Variants in RNF212B observed in about 807,000 individuals in gnomAD.
RNF212B encodes E3 ubiquitin-protein ligase RNF212B.
RNF212B carries 52 observed loss-of-function variants against 55.5 expected under a neutral mutation model. The observed-to-expected ratio is 0.94, with a 90% confidence interval of 0.75 to 1.18. The LOEUF is 1.18. Among genes scored for constraint, RNF212B ranks in the 50% most tolerant of loss-of-function variants. The probability of loss-of-function intolerance (pLI) is 0.00; values close to 1 mark genes in which losing one functional copy is unlikely to be tolerated. For synonymous variants in RNF212B, 99 were observed against 121.4 expected (o/e 0.82, Z 1.21); for missense variants, 289 against 350.4 (o/e 0.82, Z 1.40).
chr14:23,257,398 CTAGAG>C (rs749528130), intron 4 of RNF212B, among the ~76,000 whole-genome samples: 9 of 152,202 alleles, frequency 5.9e-5, no homozygotes, highest in South Asian at 2.1e-4. Flanking sequence ...AAAAAATAGA[CTAGAG>C]TAAATTCTTA....
At chr14:23,247,895 T>G (rs1177976264) in intron 4 of RNF212B, among the ~76,000 whole-genome samples, 1 of 152,180 alleles carries the variant, frequency 6.6e-6, no homozygotes, top group Middle Eastern at 3.2e-3. Context: ...TTAGCAGCTC[T>G]TTTAGTCTGT....
intron 13 of RNF212B, 141 bp from the exon 14 acceptor site, chr14:23,270,459 T>C: frequency 1.5e-6 from 1 of 659,998 alleles, no homozygotes; most frequent in East Asian, 2.7e-5. Flanking sequence ...AGACTTTATA[T>C]CCCATCTCTT....
At chr14:23,218,303 G>A (rs561814030) in intron 2 of RNF212B, among the ~76,000 whole-genome samples, 48 of 152,140 alleles carry the variant, frequency 3.2e-4, no homozygotes, top group African/African-American at 1.1e-3. Context: ...GGGAGGTGGA[G>A]GTTGCAGTGA....
At chr14:23,254,014 C>A (rs1024796732) in intron 4 of RNF212B, among the ~76,000 whole-genome samples, 6 of 152,180 alleles carry the variant, frequency 3.9e-5, no homozygotes, top group Non-Finnish European at 8.8e-5. Context: ...CACAGTGGCT[C>A]ATTCCTGTAA....
chr14:23,228,965 C>T (rs1281082542), intron 2 of RNF212B, among the ~76,000 whole-genome samples: 1 of 151,774 alleles, frequency 6.6e-6, no homozygotes, highest in East Asian at 1.9e-4. Flanking sequence ...TCTCTATTTC[C>T]ATAATTTTTC....
At chr14:23,193,173 TAAA>T (rs1339043897) in intron 1 of RNF212B, among the ~76,000 whole-genome samples, 1 of 151,226 alleles carries the variant, frequency 6.6e-6, no homozygotes, top group Admixed American at 6.6e-5. Flanking sequence ...TATAGAAGTT[TAAA>T]TGGAGCAATG....
At chr14:23,258,794 C>A in intron 5 of RNF212B, 130 bp downstream of exon 5, 1 of 446,160 alleles carries the variant, frequency 2.2e-6, no homozygotes, top group Non-Finnish European at 3.9e-6. Flanking sequence ...AAATCAGGTA[C>A]AGAATTTTTG....
rs879325100 is a variant in RNF212B at position 23,258,539 on chromosome 14, T to A, written c.229-10T>A. 4.3e-6 allele frequency: 6 copies of A among 1,406,040 alleles called. No homozygotes were observed. The Admixed American group carries it at 1.4e-4, about 34-fold the overall frequency. The allele number at this position is 1,406,040 out of a possible 1,614,324, so 87.1% of individuals were successfully genotyped here. A position where few individuals can be genotyped will look rare whatever the true frequency, so the allele number is the denominator to read the frequency against. ...GGAGAGTATGTCAAAGGCTTGTTTT[T>A]CCCTAGTAGGTGTGGAGTTTCCAGA... On this transcript the variant is annotated splice_polypyrimidine_tract_variant and intron_variant, in intron 4 of 14. Coordinates refer to ENST00000430154, the MANE Select transcript of RNF212B (RefSeq NM_001282322.3).
chr14:23,231,315 A>G (rs1882591730), intron 2 of RNF212B, among the ~76,000 whole-genome samples: 1 of 152,176 alleles, frequency 6.6e-6, no homozygotes, highest in Non-Finnish European at 1.5e-5. Context: ...CACAAATGGA[A>G]TTATTTTCTC....
rs116577138 is a variant in RNF212B at position 23,258,400 on chromosome 14, T to C, written c.229-149T>C. 2.8e-3 allele frequency: 1,138 copies of C among 403,848 alleles called. 15 individuals carry two copies. Among genetic ancestry groups the C allele is most frequent in the African/African-American group, 0.022 (1,037 of 47,568 alleles). 25.0% of individuals were successfully genotyped at this position (403,848 alleles called of 1,614,324 possible). A position where few individuals can be genotyped will look rare whatever the true frequency, so the allele number is the denominator to read the frequency against. On this transcript the variant is annotated intron_variant, in intron 4 of 14. Transcript: ENST00000430154. ...TCCTGGAAATGAGTGCTGAGCTCTC[T>C]AGTTCTGGGAAGTTGTGAATTAGGC... is the stretch of plus-strand genomic sequence containing the variant.
chr14:23,224,099 A>G (rs1881800414), intron 2 of RNF212B, among the ~76,000 whole-genome samples: 1 of 152,204 alleles, frequency 6.6e-6, no homozygotes, highest in South Asian at 2.1e-4. Context: ...ACACATACAC[A>G]CAAAGGAAAG....
chr14:23,206,516 C>T (rs1415724628), intron 2 of RNF212B, among the ~76,000 whole-genome samples: 1 of 152,194 alleles, frequency 6.6e-6, no homozygotes, highest in South Asian at 2.1e-4. Flanking sequence ...GGCATGCCGA[C>T]AGCAGTACAT....
Position 23,273,376 on chromosome 14 carries a change from AAT to A in RNF212B, c.*486_*487del, listed in dbSNP as rs1450524779. On this transcript the variant is annotated 3_prime_UTR_variant, in exon 15 of 15. Coordinates refer to ENST00000430154, the MANE Select transcript of RNF212B (RefSeq NM_001282322.3). ...TTTCCTCTATGCTTAGTTACTATTA[AAT>A]GTTAATTTTCCTTTCTATTGAAAAC... is the stretch of plus-strand genomic sequence containing the variant. 4 of 152,356 alleles carry A rather than the reference AAT, an allele frequency of 2.6e-5. No homozygotes were observed. Among genetic ancestry groups the A allele is most frequent in the African/African-American group, 9.7e-5 (4 of 41,400 alleles). The allele number at this position is 152,356 out of a possible 1,614,324, so 9.4% of individuals were successfully genotyped here. A position where few individuals can be genotyped will look rare whatever the true frequency, so the allele number is the denominator to read the frequency against.
intron 1 of RNF212B, among the ~76,000 whole-genome samples, chr14:23,190,278 A>G (rs73600451): frequency 0.048 from 7,264 of 152,258 alleles, 370 homozygotes; most frequent in African/African-American, 0.12. Context: ...AATCTCTTGC[A>G]TAAACTCTAG....
In RNF212B at chr14:23,263,495, G is replaced by A. The variant is rs867011062; in HGVS notation, c.524+525G>A. On this transcript the variant is annotated intron_variant, in intron 9 of 14. Transcript: ENST00000430154. ...GACAAACTGGTAATCAATGACTGGG[G>A]GTCAGGTCCTAACAGATGTCTCGGC... Among the ~76,000 whole-genome samples, 25 of 152,248 alleles carry A rather than the reference G, an allele frequency of 1.6e-4. No individual in the cohort carries two copies. In the Middle Eastern group the frequency reaches 0.014, roughly 83 times the overall value.
intron 2 of RNF212B, among the ~76,000 whole-genome samples, chr14:23,204,565 C>G (rs1879649632): frequency 6.6e-6 from 1 of 152,158 alleles, no homozygotes; most frequent in Non-Finnish European, 1.5e-5. Flanking sequence ...ATTCTCTATT[C>G]TGTTCCATTG....
Position 23,270,585 on chromosome 14 carries a change from C to T in RNF212B, c.773-15C>T. On this transcript the variant is annotated splice_polypyrimidine_tract_variant and intron_variant, in intron 13 of 14. Transcript: ENST00000430154. ...CCAAGTAAGTTATCTTTCACTGTTC[C>T]ATTCTATCCTTCAGCTCAGAGGGAG... The T allele has an allele frequency of 1.3e-6, 2 of 1,542,718 alleles. No individual in the cohort carries two copies. Among genetic ancestry groups the T allele is most frequent in the African/African-American group, 1.4e-5 (1 of 73,006 alleles).
intron 4 of RNF212B, among the ~76,000 whole-genome samples, chr14:23,246,800 AC>A (rs1884014146): frequency 6.6e-6 from 1 of 152,214 alleles, no homozygotes; most frequent in African/African-American, 2.4e-5. Flanking sequence ...TCACAAACCC[AC>A]TTAAAAATAG....
At chr14:23,202,250 TAAA>T (rs57327070) in intron 2 of RNF212B, among the ~76,000 whole-genome samples, 153 of 133,968 alleles carry the variant, frequency 1.1e-3, no homozygotes, top group African/African-American at 1.4e-3. Flanking sequence ...GACCCTGTCT[TAAA>T]AAAAAAAAAA....
Sources: allele counts gnomAD v4.1 joint callset (sites outside exome capture counted in the v4.1 genomes callset), GRCh38; gene constraint gnomAD v4.1.1; transcripts MANE v1.5; gene names NCBI Gene and HGNC (gene_info 2026-07-23, HGNC 2026-07-21).